Variants in CEP63 observed in about 807,000 individuals in gnomAD.
CEP63 encodes the protein centrosomal protein of 63 kDa.
CEP63 carries 84 observed loss-of-function variants against 89.1 expected under a neutral mutation model. The ratio of observed to expected loss-of-function variants is 0.94; its 90% confidence interval spans 0.79 to 1.13. The LOEUF is 1.13. Among genes scored for constraint, CEP63 ranks in the 50% most tolerant of loss-of-function variants. The probability of loss-of-function intolerance (pLI) is 0.00; values close to 1 mark genes in which losing one functional copy is unlikely to be tolerated. For missense variants in CEP63, 838 were observed against 813.3 expected (o/e 1.03, Z -0.37); for synonymous variants, 267 against 272.5 (o/e 0.98, Z 0.20).
At chr3:134,556,147 G>A (rs370831619) in intron 12 of CEP63, among the ~76,000 whole-genome samples, 26 of 149,252 alleles carry the variant, frequency 1.7e-4, no homozygotes, top group Non-Finnish European at 3.0e-4. Context: ...AGACTTAAAC[G>A]TTAGACCTAA....
At chr3:134,743,498 G>T in the CEP63 span, among the ~76,000 whole-genome samples, 1 of 152,110 alleles carries the variant, frequency 6.6e-6, no homozygotes, top group East Asian at 1.9e-4. Context: ...CAGAACTGAG[G>T]CGATGTTAGG....
rs1200521328 is a variant in CEP63 at position 134,550,938 on chromosome 3, G to A, written c.1380+678G>A. ...AGATACTGGGCTGGTAAAAATGACT[G>A]GGCATTGTATTTGATTGGCAGGGAA... On this transcript the variant is annotated intron_variant, in intron 11 of 14. Transcript: ENST00000675561. Among the ~76,000 whole-genome samples the A allele has an allele frequency of 2.0e-5, 3 of 152,168 alleles. No homozygotes were observed. The East Asian group carries it at 5.8e-4, about 29-fold the overall frequency.
the CEP63 span, among the ~76,000 whole-genome samples, chr3:134,689,452 T>C: frequency 1.3e-5 from 2 of 151,210 alleles, no homozygotes; most frequent in African/African-American, 2.4e-5. Flanking sequence ...TTTATTATTA[T>C]TATTATTATT....
chr3:134,613,501 C>T, the CEP63 span, among the ~76,000 whole-genome samples: 1 of 152,182 alleles, frequency 6.6e-6, no homozygotes, highest in Non-Finnish European at 1.5e-5. Flanking sequence ...AATAAGGTCA[C>T]CTCCCAGGTC....
intron 3 of CEP63, among the ~76,000 whole-genome samples, chr3:134,531,320 C>T (rs1462696118): frequency 6.6e-6 from 1 of 152,142 alleles, no homozygotes; most frequent in African/African-American, 2.4e-5. Flanking sequence ...CGCGATGGCT[C>T]ACGCCTGTAA....
At chr3:134,665,635 A>G in the CEP63 span, among the ~76,000 whole-genome samples, 1 of 151,306 alleles carries the variant, frequency 6.6e-6, no homozygotes, top group Non-Finnish European at 1.5e-5. Context: ...AGGGGAAGAG[A>G]GAGAGGGGAA....
In CEP63 at chr3:134,562,343, C is replaced by T; in HGVS notation, c.*808C>T. 1 of 433,462 alleles carries T rather than the reference C, an allele frequency of 2.3e-6. No individual in the cohort carries two copies. Among genetic ancestry groups the T allele is most frequent in the Non-Finnish European group, 3.1e-6 (1 of 325,368 alleles). 26.9% of individuals were successfully genotyped at this position (433,462 alleles called of 1,614,324 possible). A position where few individuals can be genotyped will look rare whatever the true frequency, so the allele number is the denominator to read the frequency against. Reference sequence around the variant, plus strand: ...GAGGAGCAGGAGGCTGGGTTTGGGGCCCTGAAAGATGCCAGCATCTGAGGA... The same window carrying T: ...GAGGAGCAGGAGGCTGGGTTTGGGGTCCTGAAAGATGCCAGCATCTGAGGA... On this transcript the variant is annotated 3_prime_UTR_variant, in exon 15 of 15. Transcript: ENST00000675561.
the CEP63 span, among the ~76,000 whole-genome samples, chr3:134,681,424 A>G: frequency 6.6e-6 from 1 of 152,142 alleles, no homozygotes; most frequent in African/African-American, 2.4e-5. Context: ...GGAGGCCCAT[A>G]AGGAGGCATC....
chr3:134,539,859 G>A (rs955941576), intron 6 of CEP63, among the ~76,000 whole-genome samples: 1 of 151,956 alleles, frequency 6.6e-6, no homozygotes, highest in African/African-American at 2.4e-5. Flanking sequence ...GAGAAAATGC[G>A]GATAAAATGA....
chr3:134,515,013 G>C (rs999801564), intron 3 of CEP63, among the ~76,000 whole-genome samples: 4 of 152,156 alleles, frequency 2.6e-5, no homozygotes, highest in Non-Finnish European at 4.4e-5. Context: ...ACTGTGCCCA[G>C]CTAACGGTAA....
intron 10 of CEP63, among the ~76,000 whole-genome samples, chr3:134,581,888 G>T (rs1347666736): frequency 6.6e-6 from 1 of 151,398 alleles, no homozygotes; most frequent in Non-Finnish European, 1.5e-5. Context: ...TGTTAGCCAG[G>T]ATGGTCTCGA....
chr3:134,651,769 A>C, the CEP63 span: 1 of 295,348 alleles, frequency 3.4e-6, no homozygotes, highest in Non-Finnish European at 5.0e-6. Flanking sequence ...GGGGGAGAGG[A>C]GGAGGCTGGG....
chr3:134,528,482 A>G (rs1320581145), intron 3 of CEP63, among the ~76,000 whole-genome samples: 1 of 151,964 alleles, frequency 6.6e-6, no homozygotes, highest in Non-Finnish European at 1.5e-5. Context: ...AGTTTTTATA[A>G]TTCTGCAGGT....
chr3:134,581,715 G>A (rs1180259658), intron 10 of CEP63, among the ~76,000 whole-genome samples: 2 of 99,898 alleles, frequency 2.0e-5, no homozygotes, highest in African/African-American at 4.1e-5. Context: ...TCGCTCTGTT[G>A]CCCAGGCTGG....
At chr3:134,608,101 T>A in the CEP63 span, 1 of 1,126,960 alleles carries the variant, frequency 8.9e-7, no homozygotes, top group Non-Finnish European at 1.1e-6. Flanking sequence ...GGGAGACCCA[T>A]GTTGCTCCCC....
chr3:134,512,738 G>A (rs190873177), intron 3 of CEP63, among the ~76,000 whole-genome samples: 127 of 152,298 alleles, frequency 8.3e-4, no homozygotes, highest in African/African-American at 3.0e-3. Flanking sequence ...TATGAAAGAT[G>A]TGGGGTTTTG....
the CEP63 span, among the ~76,000 whole-genome samples, chr3:134,633,210 T>C: frequency 1.3e-5 from 2 of 152,050 alleles, no homozygotes; most frequent in African/African-American, 4.8e-5. Context: ...CTTCATAGGA[T>C]CTTTCGTAAA....
At chr3:134,520,424 A>G (rs1441939360) in intron 3 of CEP63, among the ~76,000 whole-genome samples, 3 of 152,174 alleles carry the variant, frequency 2.0e-5, no homozygotes, top group South Asian at 2.1e-4. Context: ...ACTGATATAA[A>G]TGGAAGAATA....
chr3:134,758,642 C>A, the CEP63 span, among the ~76,000 whole-genome samples: 1 of 152,292 alleles, frequency 6.6e-6, no homozygotes, highest in South Asian at 2.1e-4. Flanking sequence ...GCTGCTGAAT[C>A]TTTGTTCAGG....
Sources: gnomAD v4.1 joint callset for allele counts (sites outside exome capture counted in the v4.1 genomes callset) on GRCh38, gnomAD v4.1.1 for gene constraint, MANE v1.5 for transcripts, NCBI Gene and HGNC (gene_info 2026-07-23, HGNC 2026-07-21) for gene names.